FKBP5: variants seen among roughly 807,000 people sequenced by gnomAD.
The protein encoded by FKBP5 is peptidyl-prolyl cis-trans isomerase FKBP5.
Under a neutral mutation model 50.5 loss-of-function variants are expected in FKBP5, and 23 were observed. The observed-to-expected ratio is 0.46, with a 90% confidence interval of 0.33 to 0.65. FKBP5 has a LOEUF of 0.65. Among genes scored for constraint, FKBP5 ranks in the 30% least tolerant of loss-of-function variants. The pLI is 0.02. For synonymous variants in FKBP5, 176 were observed against 190.6 expected, an observed-to-expected ratio of 0.92 and a Z score of 0.63; for missense variants, 411 against 553.1, an observed-to-expected ratio of 0.74 and a Z score of 2.58.
At chr6:35,623,228 C>T (rs917030880) in intron 3 of FKBP5, among the ~76,000 whole-genome samples, 2 of 152,130 alleles carry the variant, frequency 1.3e-5, no homozygotes, top group East Asian at 1.9e-4. Flanking sequence ...GGCGAAAGAG[C>T]GAGACTCCGT....
intron 1 of FKBP5, among the ~76,000 whole-genome samples, chr6:35,666,576 T>C (rs184602336): frequency 1.3e-5 from 2 of 152,090 alleles, no homozygotes; most frequent in Admixed American, 1.3e-4. Flanking sequence ...CAGAATATAA[T>C]TATTCTATTT....
intron 1 of FKBP5, among the ~76,000 whole-genome samples, chr6:35,672,595 T>C (rs577626447): frequency 8.5e-5 from 13 of 152,144 alleles, no homozygotes; most frequent in East Asian, 1.9e-4. Flanking sequence ...AGCTTACCAT[T>C]TGCAAAATGA....
Position 35,648,433 on chromosome 6 carries a change from G to GT in FKBP5, c.-19-5591dup, listed in dbSNP as rs536239953. Among the ~76,000 whole-genome samples the GT allele has an allele frequency of 3.1e-3, 448 of 144,312 alleles. 2 individuals carry two copies. Among genetic ancestry groups the GT allele is most frequent in the Non-Finnish European group, 5.2e-3 (345 of 65,900 alleles). The allele number at this position is 144,312 out of a possible 152,430, so 94.7% of individuals were successfully genotyped here. On this transcript the variant is annotated intron_variant, in intron 1 of 10. Transcript: ENST00000357266. ...ATAGACATGTGCCACCACACCTAAT[G>GT]TTTTTTTTTTATTATTTTTTTCAGA...
At position 35,682,930 on chromosome 6, in the gene FKBP5, G is replaced by GTA. The variant is rs138636453; in HGVS notation, c.-20+5872_-20+5873dup. On this transcript the variant is annotated intron_variant, in intron 1 of 10. Coordinates refer to ENST00000357266, the MANE Select transcript of FKBP5 (RefSeq NM_004117.4). Reference sequence around the variant, plus strand: ...TAAAAAAAAAAAAAAAGAAAAAAAAGTATATATATATATATCCCATTTCTT... The same window carrying GTA: ...TAAAAAAAAAAAAAAAGAAAAAAAAGTATATATATATATATATCCCATTTCTT... 1.5e-3 allele frequency among the ~76,000 whole-genome samples: 215 copies of GTA among 144,162 alleles called. 1 individual carries two copies. Among genetic ancestry groups the GTA allele is most frequent in the African/African-American group, 1.8e-3 (69 of 39,292 alleles). The allele number at this position is 144,162 out of a possible 152,430, so 94.6% of individuals were successfully genotyped here. A position where few individuals can be genotyped will look rare whatever the true frequency, so the allele number is the denominator to read the frequency against.
At chr6:35,590,369 T>C (rs1762777055) in intron 7 of FKBP5, among the ~76,000 whole-genome samples, 1 of 151,746 alleles carries the variant, frequency 6.6e-6, no homozygotes, top group Admixed American at 6.6e-5. Context: ...GGAACACAAA[T>C]GCAGTCCTTG....
chr6:35,688,749 G>A (rs1383954961), intron 1 of FKBP5, 55 bp downstream of exon 1: 1 of 150,600 alleles, frequency 6.6e-6, no homozygotes, highest in African/African-American at 2.4e-5. Flanking sequence ...GAGGGCGTTC[G>A]GCTCCCGGGG....
At chr6:35,683,569 A>G (rs1254047338) in intron 1 of FKBP5, among the ~76,000 whole-genome samples, 11 of 150,386 alleles carry the variant, frequency 7.3e-5, no homozygotes, top group Admixed American at 7.3e-4. Context: ...AGGTTCAAGT[A>G]ATTTGCTTGC....
chr6:35,651,880 A>T, intron 1 of FKBP5: 1 of 1,156,744 alleles, frequency 8.6e-7, no homozygotes, highest in South Asian at 1.5e-5. Flanking sequence ...GCAAAAAATA[A>T]ATCCTCTTTT....
rs944460253 is a variant in FKBP5, at chr6:35,573,649, T to C, written c.*2186A>G. On this transcript the variant is annotated 3_prime_UTR_variant, in exon 11 of 11. Coordinates refer to ENST00000357266, the MANE Select transcript of FKBP5 (RefSeq NM_004117.4). The stretch of plus-strand genomic sequence containing the variant: ...AAAAAAGTGCATCTAAATGATTTTT[T>C]TTTTTTAAAAACAATGTCTTTAATT... 6.4e-4 allele frequency: 98 copies of C among 152,194 alleles called. No homozygotes were observed. Among genetic ancestry groups the C allele is most frequent in the African/African-American group, 2.3e-3 (94 of 41,486 alleles). The allele number at this position is 152,194 out of a possible 1,614,324, so 9.4% of individuals were successfully genotyped here. A position where few individuals can be genotyped will look rare whatever the true frequency, so the allele number is the denominator to read the frequency against.
intron 8 of FKBP5, 144 bp downstream of exon 8, chr6:35,586,890 A>G (rs1762617001): frequency 2.0e-6 from 3 of 1,484,332 alleles, no homozygotes; most frequent in African/African-American, 1.4e-5. Flanking sequence ...CATTTTTCAT[A>G]TTGAAAATGA....
At chr6:35,619,670 T>C (rs1763769078) in intron 4 of FKBP5, among the ~76,000 whole-genome samples, 1 of 152,226 alleles carries the variant, frequency 6.6e-6, no homozygotes, top group African/African-American at 2.4e-5. Context: ...AATCAAGTTT[T>C]GCCAAATATA....
At chr6:35,724,865 G>A (rs9462106) in intron 1 of FKBP5, among the ~76,000 whole-genome samples, 8,048 of 152,094 alleles carry the variant, frequency 0.053, 707 homozygotes, top group African/African-American at 0.18. Context: ...TGTCAAAGAC[G>A]GCTAACAATA....
intron 1 of FKBP5, among the ~76,000 whole-genome samples, chr6:35,674,176 T>C (rs565716485): frequency 1.4e-3 from 220 of 152,056 alleles, no homozygotes; most frequent in African/African-American, 4.8e-3. Flanking sequence ...ACAACTAGAA[T>C]ACAGAGAAAA....
chr6:35,586,199 C>T (rs1405280359), intron 8 of FKBP5: 1 of 984,846 alleles, frequency 1.0e-6, no homozygotes, highest in Non-Finnish European at 1.2e-6. Flanking sequence ...CTGATTAAAA[C>T]AGAATGAAGG....
chr6:35,585,607 T>A (rs1762574373), intron 8 of FKBP5: 1 of 983,250 alleles, frequency 1.0e-6, no homozygotes, highest in African/African-American at 1.7e-5. Flanking sequence ...TGGTGATCCA[T>A]AAGAGTTTAG....
chr6:35,604,308 C>T (rs1039181405), intron 5 of FKBP5, among the ~76,000 whole-genome samples: 1 of 152,120 alleles, frequency 6.6e-6, no homozygotes, highest in Non-Finnish European at 1.5e-5. Flanking sequence ...CATGGCTGGC[C>T]AGAAAGACTT....
intron 5 of FKBP5, among the ~76,000 whole-genome samples, chr6:35,602,060 G>A (rs1763162338): frequency 6.6e-6 from 1 of 152,068 alleles, no homozygotes; most frequent in African/African-American, 2.4e-5. Flanking sequence ...CTGCCCTAGA[G>A]CAATTTTGTT....
intron 1 of FKBP5, among the ~76,000 whole-genome samples, chr6:35,650,676 T>C (rs1471731669): frequency 6.6e-6 from 1 of 152,066 alleles, no homozygotes; most frequent in East Asian, 1.9e-4. Flanking sequence ...GGTTTCGCCA[T>C]GTTAGCCATG....
intron 2 of FKBP5, among the ~76,000 whole-genome samples, chr6:35,638,641 C>T (rs1330577095): frequency 1.3e-5 from 2 of 152,006 alleles, no homozygotes; most frequent in Non-Finnish European, 2.9e-5. Flanking sequence ...TGGTTTGGAA[C>T]TCCTGAGTTC....
Sources: gnomAD v4.1 joint callset for allele counts (sites outside exome capture counted in the v4.1 genomes callset) on GRCh38, gnomAD v4.1.1 for gene constraint, MANE v1.5 for transcripts, NCBI Gene and HGNC (gene_info 2026-07-23, HGNC 2026-07-21) for gene names.